NVL: variants seen among roughly 807,000 people sequenced by gnomAD.
NVL encodes the protein nuclear valosin-containing protein-like.
A neutral mutation model predicts 110.2 loss-of-function variants in NVL; 84 were observed. The observed-to-expected ratio is 0.76, with a 90% CI of 0.64 to 0.91. NVL has a LOEUF of 0.91. NVL is among the 40% of genes least tolerant of loss of function. The pLI is 0.00. For synonymous variants in NVL, 354 were observed against 361.1 expected, an observed-to-expected ratio of 0.98 and a Z score of 0.22; for missense variants, 882 against 1,035.9, an observed-to-expected ratio of 0.85 and a Z score of 2.04.
chr1:224,282,020 A>G (rs928569947), intron 15 of NVL, among the ~76,000 whole-genome samples: 3 of 151,806 alleles, frequency 2.0e-5, no homozygotes, highest in Non-Finnish European at 4.4e-5. Context: ...ATCAAAGGAA[A>G]TAAACGTTAA....
At chr1:224,318,544 G>A (rs1474139600) in intron 2 of NVL, among the ~76,000 whole-genome samples, 2 of 152,114 alleles carry the variant, frequency 1.3e-5, no homozygotes, top group African/African-American at 2.4e-5. Flanking sequence ...GAAGGCTGCA[G>A]TGAGCCGTGA....
chr1:224,295,109 A>C (rs1245850469), intron 11 of NVL, among the ~76,000 whole-genome samples: 1 of 152,246 alleles, frequency 6.6e-6, no homozygotes, highest in Non-Finnish European at 1.5e-5. Flanking sequence ...AGGATTGAAC[A>C]GCAGGGAGTC....
chr1:224,295,176 G>A (rs1465548883), intron 11 of NVL, among the ~76,000 whole-genome samples: 3 of 152,026 alleles, frequency 2.0e-5, no homozygotes, highest in Non-Finnish European at 2.9e-5. Flanking sequence ...ATTAAATCAT[G>A]AGGAGTTTAT....
At chr1:224,257,059 A>T (rs1303311077) in intron 18 of NVL, 1 of 532,768 alleles carries the variant, frequency 1.9e-6, no homozygotes, top group East Asian at 5.5e-5. Context: ...TTGCCCTCTC[A>T]ACCCAGCTTT....
intron 13 of NVL, 49 bp downstream of exon 13, chr1:224,289,435 A>C: frequency 6.3e-7 from 1 of 1,596,022 alleles, no homozygotes; most frequent in East Asian, 2.2e-5. Context: ...ATGTAAGATA[A>C]CACAAAGAAC....
At chr1:224,323,876 T>C (rs1670895697) in intron 2 of NVL, among the ~76,000 whole-genome samples, 1 of 152,224 alleles carries the variant, frequency 6.6e-6, no homozygotes, top group Non-Finnish European at 1.5e-5. Context: ...TAGATTTGCT[T>C]GGGACCCATG....
intron 12 of NVL, among the ~76,000 whole-genome samples, chr1:224,291,481 ATAAAT>A (rs1185959634): frequency 3.3e-5 from 5 of 152,376 alleles, no homozygotes; most frequent in African/African-American, 1.2e-4. Context: ...CTAATAAAGA[ATAAAT>A]TATAGAAAAA....
At chr1:224,251,971 T>G (rs1662559302) in intron 18 of NVL, among the ~76,000 whole-genome samples, 1 of 152,178 alleles carries the variant, frequency 6.6e-6, no homozygotes, top group Non-Finnish European at 1.5e-5. Flanking sequence ...TCTCTCAAAT[T>G]CCGCTCCCAC....
chr1:224,271,053 C>G (rs1665044117), intron 17 of NVL, among the ~76,000 whole-genome samples: 1 of 152,148 alleles, frequency 6.6e-6, no homozygotes, highest in Admixed American at 6.5e-5. Flanking sequence ...ACAAGTTCAG[C>G]AGAGTTCTAT....
chr1:224,329,902 G>C (rs1373122208), intron 1 of NVL, among the ~76,000 whole-genome samples, 169 bp downstream of exon 1: 1 of 152,152 alleles, frequency 6.6e-6, no homozygotes, highest in African/African-American at 2.4e-5. Flanking sequence ...AACGTGGGTA[G>C]GGAAGGCCCC....
intron 18 of NVL, among the ~76,000 whole-genome samples, chr1:224,258,993 A>G (rs1432278001): frequency 1.3e-5 from 2 of 151,168 alleles, no homozygotes; most frequent in Non-Finnish European, 3.0e-5. Context: ...AAAAAAAAAA[A>G]AAAAAAAAAA....
Position 224,233,189 on chromosome 1 carries a change from A to G in NVL, c.2455+12T>C, listed in dbSNP as rs772324818. The G allele has an allele frequency of 6.2e-7, 1 of 1,602,238 alleles. No individual in the cohort carries two copies. The highest frequency in any genetic ancestry group is 8.5e-7 in the Non-Finnish European group (1 of 1,173,984). On this transcript the variant is annotated intron_variant, in intron 21 of 22. Coordinates refer to ENST00000281701, the MANE Select transcript of NVL (RefSeq NM_002533.4). ...CATAATTAGAATTGAGAGATTCTGG[A>G]GAGAATTGTACCTTTTTCATTTCCA... is the stretch of plus-strand genomic sequence containing the variant.
chr1:224,238,262 A>T (rs1268614790), intron 19 of NVL, among the ~76,000 whole-genome samples: 2 of 152,118 alleles, frequency 1.3e-5, no homozygotes, highest in Admixed American at 6.6e-5. Flanking sequence ...CAAACTCCTC[A>T]GCTCAAGCGA....
At chr1:224,242,910 C>T (rs1275375937) in intron 19 of NVL, among the ~76,000 whole-genome samples, 1 of 143,878 alleles carries the variant, frequency 7.0e-6, no homozygotes, top group Non-Finnish European at 1.5e-5. Flanking sequence ...ACTGCAACCT[C>T]TGCCTCTGGG....
chr1:224,266,952 T>C (rs1228497334), intron 18 of NVL, among the ~76,000 whole-genome samples: 1 of 152,236 alleles, frequency 6.6e-6, no homozygotes, highest in South Asian at 2.1e-4. Context: ...TAAAGTAATA[T>C]AGTCCCAAGG....
At chr1:224,289,442 G>A in intron 13 of NVL, 42 bp downstream of exon 13, 1 of 1,602,714 alleles carries the variant, frequency 6.2e-7, no homozygotes, top group Non-Finnish European at 8.5e-7. Flanking sequence ...ATAACACAAA[G>A]AACATTAAAA....
chr1:224,322,618 T>C (rs1345276201), intron 2 of NVL, among the ~76,000 whole-genome samples: 1 of 152,144 alleles, frequency 6.6e-6, no homozygotes, highest in African/African-American at 2.4e-5. Flanking sequence ...TTGAGGTGCA[T>C]GTTAGAAGAA....
At chr1:224,237,521 C>G (rs1324610187) in intron 19 of NVL, among the ~76,000 whole-genome samples, 6 of 152,148 alleles carry the variant, frequency 3.9e-5, no homozygotes, top group Non-Finnish European at 7.3e-5. Context: ...AACCCAGTAA[C>G]TTGCATGCAT....
At position 224,289,624 on chromosome 1, in the gene NVL, G is replaced by A. The variant is rs781353254; in HGVS notation, c.1435C>T (p.Arg479Ter). ...TTGACTGCACACATTGCTGCCTCTC[G>A]GCACAGTGCCATGAGATCAGCACCA... ...FVGADLMALCREAAMCAVNRV... is the reference protein window; with the variant it reads ...FVGADLMALC Residue 479 changes from arginine (R) to a stop codon, truncating the protein, a stop_gained, in exon 13 of 23, where the codon CGA becomes TGA. Transcript: ENST00000281701. LOFTEE classifies it high-confidence loss of function. The A allele has an allele frequency of 1.7e-5, 28 of 1,614,090 alleles. No homozygotes were observed. Among genetic ancestry groups the A allele is most frequent in the Non-Finnish European group, 2.3e-5 (27 of 1,180,054 alleles).
Sources: allele counts gnomAD v4.1 joint callset (sites outside exome capture counted in the v4.1 genomes callset), GRCh38; gene constraint gnomAD v4.1.1; transcripts MANE v1.5; gene names NCBI Gene and HGNC (gene_info 2026-07-23, HGNC 2026-07-21).